Variants in DCHS2 observed in about 807,000 individuals in gnomAD.
DCHS2 encodes dachsous cadherin-related 2, also known as protocadherin-23.
In DCHS2, 142 loss-of-function variants were observed where a neutral mutation model predicts 182.4. The observed-to-expected ratio is 0.78, with a 90% confidence interval of 0.68 to 0.89. DCHS2 has a LOEUF of 0.89. DCHS2 is among the 40% of genes least tolerant of loss of function. The pLI, the probability that DCHS2 is intolerant of heterozygous loss-of-function variation, is 0.00. For synonymous variants in DCHS2, 1,740 were observed against 1,663.3 expected (o/e 1.05, Z -1.12); for missense variants, 4,319 against 4,198.6 (o/e 1.03, Z -0.79).
chr4:154,265,250 A>C (rs773751294), intron 14 of DCHS2, among the ~76,000 whole-genome samples: 25 of 152,198 alleles, frequency 1.6e-4, no homozygotes, highest in Non-Finnish European at 3.5e-4. Context: ...GAAAAAGCAT[A>C]ATGTACTTAG....
At chr4:154,485,672 T>C (rs368667081) in intron 1 of DCHS2, among the ~76,000 whole-genome samples, 1 of 152,230 alleles carries the variant, frequency 6.6e-6, no homozygotes, top group South Asian at 2.1e-4. Flanking sequence ...ATCAATGTTA[T>C]TGAATTAATG....
chr4:154,239,079 AACTTTTAT>A (rs1731675520), intron 19 of DCHS2, 83 bp downstream of exon 19: 1 of 1,489,018 alleles, frequency 6.7e-7, no homozygotes. Flanking sequence ...GGAGGTGGGG[AACTTTTAT>A]AGAGGCATTT....
At chr4:154,330,277 C>A (rs537146551) in intron 5 of DCHS2, among the ~76,000 whole-genome samples, 2 of 152,320 alleles carry the variant, frequency 1.3e-5, no homozygotes, top group South Asian at 2.1e-4. Context: ...CAAATAATAT[C>A]CCTTAGGCAA....
chr4:154,311,878 T>C (rs1735683181), intron 10 of DCHS2, among the ~76,000 whole-genome samples: 2 of 152,138 alleles, frequency 1.3e-5, no homozygotes, highest in Non-Finnish European at 2.9e-5. Flanking sequence ...ATATATTAAA[T>C]GTATTAAGAA....
At chr4:154,458,280 T>C (rs1374316811) in intron 1 of DCHS2, among the ~76,000 whole-genome samples, 1 of 151,748 alleles carries the variant, frequency 6.6e-6, no homozygotes, top group Non-Finnish European at 1.5e-5. Context: ...TAATAGAAAA[T>C]CAGACCCATA....
chr4:154,333,381 G>T lies in DCHS2; in HGVS notation c.2827C>A (p.Gln943Lys). The change falls in exon 5 of 20, where the codon CAG becomes AAG. Residue 943 changes from glutamine to lysine, a missense_variant. Physicochemically the swap from Gln to Lys is moderately conservative, Grantham distance 53. Coordinates refer to ENST00000357232, the MANE Select transcript of DCHS2 (RefSeq NM_001358235.2). Reference sequence around the variant, plus strand: ...TGCACCGTGAGCACAACCACGGGCTGCGTCTCGTGATCCAGGGGCTTCCGG... The same window carrying T: ...TGCACCGTGAGCACAACCACGGGCTTCGTCTCGTGATCCAGGGGCTTCCGG... ...RTRKPLDHET[Q>K]PVVVLTVQAQ... is the part of the protein sequence containing the mutation. 2 of 1,614,174 alleles carry T rather than the reference G, an allele frequency of 1.2e-6. No homozygotes were observed. The highest frequency in any genetic ancestry group is 1.7e-6 in the Non-Finnish European group (2 of 1,180,034).
rs73854710 is a variant in DCHS2 at position 154,328,379 on chromosome 4, T to C, written c.3919-187A>G. On this transcript the variant is annotated intron_variant, in intron 6 of 19. Coordinates refer to ENST00000357232, the MANE Select transcript of DCHS2 (RefSeq NM_001358235.2). ...GTCCATGAAAAGAATCCTCCTTACA[T>C]ATTAAATCTTTTATTCAATTAGAAT... is the stretch of plus-strand genomic sequence containing the variant. Among the ~76,000 whole-genome samples, 906 of 152,286 alleles carry C rather than the reference T, an allele frequency of 5.9e-3. 8 individuals carry two copies. The highest frequency in any genetic ancestry group is 0.021 in the African/African-American group (857 of 41,578).
Position 154,301,632 on chromosome 4 carries a change from A to T in DCHS2, c.5606-2924T>A, listed in dbSNP as rs183008685. On this transcript the variant is annotated intron_variant, in intron 12 of 19. Transcript: ENST00000357232. ...GCGATTCTCCTGCCTCAGCCTCCCG[A>T]GTAGCTGGGATTACAGGCATGTGCC... 1.4e-3 allele frequency among the ~76,000 whole-genome samples: 207 copies of T among 152,244 alleles called. 1 individual carries two copies. The highest frequency in any genetic ancestry group is 4.6e-3 in the African/African-American group (190 of 41,546).
intron 7 of DCHS2, among the ~76,000 whole-genome samples, chr4:154,326,593 A>G (rs1239432680): frequency 2.0e-5 from 3 of 152,168 alleles, no homozygotes; most frequent in African/African-American, 7.2e-5. Context: ...CTCATCTTTG[A>G]TATGCTGAGA....
At chr4:154,472,910 T>A (rs993115434) in intron 1 of DCHS2, among the ~76,000 whole-genome samples, 1 of 152,174 alleles carries the variant, frequency 6.6e-6, no homozygotes, top group African/African-American at 2.4e-5. Context: ...TTGAAAATCA[T>A]TCAACAGAAA....
At chr4:154,302,580 T>A (rs1441137872) in intron 12 of DCHS2, among the ~76,000 whole-genome samples, 1 of 152,060 alleles carries the variant, frequency 6.6e-6, no homozygotes. Flanking sequence ...GCATGGTGGC[T>A]TGGCAGGCAG....
chr4:154,240,656 T>C lies in DCHS2; in HGVS notation c.7240A>G (p.Thr2414Ala), dbSNP rs1560975989. 6.2e-7 allele frequency: 1 copy of C among 1,613,952 alleles called. No individual in the cohort carries two copies. The highest frequency in any genetic ancestry group is 1.7e-5 in the Admixed American group (1 of 59,994). Reference protein sequence around the residue: ...LVKTLDFEEMTEYELLIQISD... With the variant: ...LVKTLDFEEMAEYELLIQISD... ...ATTTGGATGAGCAGCTCATATTCAG[T>C]CATTTCTTCAAAATCCAATGTTTTC... Residue 2414 changes from threonine to alanine, a missense_variant, in exon 18 of 20, where the codon ACT (threonine) becomes GCT (alanine). By Grantham distance (58) the Thr-to-Ala change is moderately conservative. Coordinates refer to ENST00000357232, the MANE Select transcript of DCHS2 (RefSeq NM_001358235.2).
At chr4:154,449,499 T>C (rs544635439) in intron 1 of DCHS2, among the ~76,000 whole-genome samples, 1 of 152,140 alleles carries the variant, frequency 6.6e-6, no homozygotes, top group South Asian at 2.1e-4. Flanking sequence ...GCCTCCCTAG[T>C]AGCTGGGACT....
At chr4:154,305,378 C>T (rs1242094187) in intron 10 of DCHS2, 147 bp from the exon 11 acceptor site, 3 of 1,069,608 alleles carry the variant, frequency 2.8e-6, no homozygotes, top group African/African-American at 1.6e-5. Flanking sequence ...TAAAAGAAAA[C>T]CTCTTTTGGC....
At chr4:154,354,699 T>C (rs1729778368) in intron 3 of DCHS2, 1 of 152,136 alleles carries the variant, frequency 6.6e-6, no homozygotes, top group East Asian at 1.9e-4. Flanking sequence ...ATTCCTTAGT[T>C]CCTTAATAAT....
intron 10 of DCHS2, among the ~76,000 whole-genome samples, chr4:154,307,248 A>T (rs926392280): frequency 9.2e-5 from 14 of 152,236 alleles, no homozygotes; most frequent in Admixed American, 2.6e-4. Flanking sequence ...AATAAAAATT[A>T]AAAAGAGGTT....
chr4:154,471,212 C>A (rs1445347735), intron 1 of DCHS2, among the ~76,000 whole-genome samples: 16 of 152,168 alleles, frequency 1.1e-4, no homozygotes, highest in Non-Finnish European at 1.5e-5. Context: ...GTGTCTCCGA[C>A]AGCCCAGTTT....
intron 1 of DCHS2, among the ~76,000 whole-genome samples, chr4:154,472,909 A>G (rs1166684721): frequency 2.0e-5 from 3 of 152,234 alleles, no homozygotes; most frequent in African/African-American, 7.2e-5. Context: ...TTTGAAAATC[A>G]TTCAACAGAA....
At chr4:154,410,073 AG>A (rs879140060) in intron 1 of DCHS2, among the ~76,000 whole-genome samples, 3 of 152,330 alleles carry the variant, frequency 2.0e-5, no homozygotes, top group Admixed American at 2.0e-4. Context: ...TTATTCCACC[AG>A]ATGCTCAGCC....
Sources: allele counts gnomAD v4.1 joint callset (sites outside exome capture counted in the v4.1 genomes callset), GRCh38; gene constraint gnomAD v4.1.1; transcripts MANE v1.5; gene names NCBI Gene and HGNC (gene_info 2026-07-23, HGNC 2026-07-21).